The following COL19A1 variants were observed in gnomAD, a reference collection of about 807,000 sequenced individuals.
COL19A1 encodes collagen alpha-1(XIX) chain.
In COL19A1, 159 loss-of-function variants were observed where a neutral mutation model predicts 190.2. The ratio of observed to expected loss-of-function variants is 0.84; its 90% CI spans 0.73 to 0.95. COL19A1 has a LOEUF of 0.95. Among genes scored for constraint, COL19A1 ranks in the 40% least tolerant of loss-of-function variants. COL19A1 has a pLI of 0.00. For missense variants in COL19A1, 1,418 were observed against 1,431.9 expected, an observed-to-expected ratio of 0.99 and a Z score of 0.16; for synonymous variants, 509 against 458.9, an observed-to-expected ratio of 1.11 and a Z score of -1.39.
chr6:69,913,830 A>G (rs1422747778), intron 4 of COL19A1, among the ~76,000 whole-genome samples: 1 of 152,118 alleles, frequency 6.6e-6, no homozygotes, highest in Non-Finnish European at 1.5e-5. Flanking sequence ...CATTGGGAAA[A>G]TCTCAGCTTT....
rs34179513 is a variant in COL19A1, at chr6:69,936,959, G to A, written c.873+49G>A. The A allele has an allele frequency of 2.0e-3, 3,150 of 1,595,338 alleles. 4 individuals carry two copies. Among genetic ancestry groups the A allele is most frequent in the Non-Finnish European group, 2.3e-3 (2,632 of 1,168,696 alleles). ...CACTGAAAGCCACTCCAGACTATGA[G>A]CCCAGCTCCTTGAATGTGGCCTCTG... On this transcript the variant is annotated intron_variant, in intron 8 of 50. Transcript: ENST00000620364.
chr6:70,124,520 G>T (rs1225841482), intron 17 of COL19A1, among the ~76,000 whole-genome samples: 1 of 148,470 alleles, frequency 6.7e-6, no homozygotes, highest in Non-Finnish European at 1.5e-5. Context: ...GTCTAAAGTT[G>T]AGAATGTAAA....
chr6:69,904,327 C>G (rs1008741938), intron 4 of COL19A1, among the ~76,000 whole-genome samples: 4 of 152,178 alleles, frequency 2.6e-5, no homozygotes, highest in Non-Finnish European at 5.9e-5. Context: ...ATTAGCCACT[C>G]GATTAATGTG....
At chr6:70,140,696 T>C (rs1370238545) in intron 19 of COL19A1, among the ~76,000 whole-genome samples, 2 of 152,116 alleles carry the variant, frequency 1.3e-5, no homozygotes, top group Admixed American at 6.6e-5. Flanking sequence ...AGCATTCCAA[T>C]TTGTCAGCCA....
At chr6:70,077,188 A>C (rs942493383) in intron 15 of COL19A1, among the ~76,000 whole-genome samples, 4 of 152,218 alleles carry the variant, frequency 2.6e-5, no homozygotes, top group African/African-American at 9.6e-5. Flanking sequence ...ATGGCACATA[A>C]TTCTCAAAGC....
intron 16 of COL19A1, among the ~76,000 whole-genome samples, chr6:70,120,096 A>G (rs908602342): frequency 6.6e-6 from 1 of 152,176 alleles, no homozygotes; most frequent in African/African-American, 2.4e-5. Context: ...GTCTCAAAAA[A>G]CAACAACAAA....
chr6:70,208,482 A>T lies in COL19A1; in HGVS notation c.*1208A>T, dbSNP rs925559982. 6.6e-6 allele frequency: 1 copy of T among 152,278 alleles called. No individual in the cohort carries two copies. Among genetic ancestry groups the T allele is most frequent in the African/African-American group, 2.4e-5 (1 of 41,452 alleles). The allele number at this position is 152,278 out of a possible 1,614,324, so 9.4% of individuals were successfully genotyped here. A position where few individuals can be genotyped will look rare whatever the true frequency, so the allele number is the denominator to read the frequency against. ...CACTCTAAAACCATGTCCTCTGAAAAGAAACAAAAATACAGTGATCATCAA... is the reference window on the plus strand; with the variant it reads ...CACTCTAAAACCATGTCCTCTGAAATGAAACAAAAATACAGTGATCATCAA... On this transcript the variant is annotated 3_prime_UTR_variant, in exon 51 of 51. Coordinates refer to ENST00000620364, the MANE Select transcript of COL19A1 (RefSeq NM_001858.6).
intron 14 of COL19A1, among the ~76,000 whole-genome samples, chr6:70,049,832 C>T (rs976284979): frequency 1.3e-5 from 2 of 151,956 alleles, no homozygotes; most frequent in Admixed American, 6.6e-5. Context: ...CAGCAAAGCA[C>T]GTATTTATTT....
chr6:70,180,716 T>C (rs761732065), intron 44 of COL19A1, among the ~76,000 whole-genome samples, 193 bp downstream of exon 44: 45 of 152,244 alleles, frequency 3.0e-4, no homozygotes, highest in South Asian at 6.2e-4. Flanking sequence ...GGTATCTTTA[T>C]GTCTTAAACA....
chr6:70,116,859 T>A (rs1460839825), intron 16 of COL19A1, among the ~76,000 whole-genome samples: 2 of 152,060 alleles, frequency 1.3e-5, no homozygotes, highest in Admixed American at 6.6e-5. Context: ...ATTTCAAAGA[T>A]TGTTCTTGAA....
At position 70,168,041 on chromosome 6, in the gene COL19A1, A is replaced by T. The variant is rs760094409; in HGVS notation, c.2462A>T (p.Glu821Val). ...TTTCCTAAGGGTATTCCATTTAATG[A>T]ACGAAACGGCATGAGCAGTTTATAT... ...PPGPPGIPFN[E>V]RNGMSSLYKI... The change falls in exon 38 of 51, where the codon GAA becomes GTA. Residue 821 changes from glutamate to valine, a missense_variant. Transcript: ENST00000620364. The T allele has an allele frequency of 1.9e-5, 30 of 1,597,216 alleles. No individual in the cohort carries two copies. The highest frequency in any genetic ancestry group is 2.6e-5 in the Non-Finnish European group (30 of 1,169,686).
At chr6:69,925,644 A>G (rs9767586) in intron 4 of COL19A1, among the ~76,000 whole-genome samples, 26,998 of 152,052 alleles carry the variant, frequency 0.18, 3,185 homozygotes, top group African/African-American at 0.32. Context: ...TAGCTTGATA[A>G]GGATGGCATT....
chr6:70,156,408 T>TTGG, intron 33 of COL19A1, 39 bp downstream of exon 33: 1 of 1,591,762 alleles, frequency 6.3e-7, no homozygotes, highest in Non-Finnish European at 8.6e-7. Context: ...TGTGGGAACC[T>TTGG]CAATTTAGTA....
chr6:69,991,226 A>T (rs1447784515), intron 11 of COL19A1, among the ~76,000 whole-genome samples: 1 of 152,064 alleles, frequency 6.6e-6, no homozygotes, highest in Admixed American at 6.6e-5. Context: ...GCATGATCTC[A>T]TTCTTTTTTA....
Position 70,161,952 on chromosome 6 carries a change from CT to C in COL19A1, c.2346del (p.Gly783AlafsTer2), listed in dbSNP as rs1787835948. On this transcript the variant is annotated frameshift_variant and splice_region_variant, in exon 35 of 51. Coordinates refer to ENST00000620364, the MANE Select transcript of COL19A1 (RefSeq NM_001858.6). LOFTEE classifies it high-confidence loss of function. ...GGTGCTCCAGGCCCGACTGGACCCC[CT>C]GTAAGTATTTGTTAAAACGATTGCA... ...IPGAPGPTGPPGLMGRTGHPG... is the reference protein window; with the variant it reads ...IPGAPGPTGPXGLMGRTGHPG... The C allele has an allele frequency of 1.3e-6, 2 of 1,598,552 alleles. No individual in the cohort carries two copies. The highest frequency in any genetic ancestry group is 2.3e-5 in the South Asian group (2 of 88,506).
At chr6:70,181,485 T>A (rs1226795519) in intron 44 of COL19A1, among the ~76,000 whole-genome samples, 1 of 151,862 alleles carries the variant, frequency 6.6e-6, no homozygotes, top group Non-Finnish European at 1.5e-5. Context: ...CTCATTCCCA[T>A]CCCCTGCAAG....
intron 14 of COL19A1, among the ~76,000 whole-genome samples, chr6:70,063,800 C>T (rs1223540037): frequency 6.6e-6 from 1 of 152,060 alleles, no homozygotes; most frequent in Non-Finnish European, 1.5e-5. Flanking sequence ...GGGATATCAC[C>T]ACTGATCCCA....
intron 11 of COL19A1, among the ~76,000 whole-genome samples, chr6:70,007,041 T>C (rs1273583376): frequency 2.0e-5 from 3 of 152,132 alleles, no homozygotes; most frequent in Non-Finnish European, 4.4e-5. Context: ...ATTACACTTA[T>C]AGAAATAACT....
In COL19A1 at chr6:70,199,735, A is replaced by G; in HGVS notation, c.3222A>G (p.Gln1074=). The G allele has an allele frequency of 6.2e-7, 1 of 1,605,002 alleles. No homozygotes were observed. The highest frequency in any genetic ancestry group is 8.5e-7 in the Non-Finnish European group (1 of 1,175,852). Residue 1074 remains glutamine, a splice_region_variant and synonymous_variant, in exon 49 of 51, where the codon CAA becomes CAG. Coordinates refer to ENST00000620364, the MANE Select transcript of COL19A1 (RefSeq NM_001858.6). ...LPGPPGDPGP[Q]GYRGQKGERG... ...GGCCACCAGGAGACCCTGGACCCCA[A>G]GGTAAGTCTTCAAGTGTAATATTGG...
Sources: allele counts gnomAD v4.1 joint callset (sites outside exome capture counted in the v4.1 genomes callset), GRCh38; gene constraint gnomAD v4.1.1; transcripts MANE v1.5; gene names NCBI Gene and HGNC (gene_info 2026-07-23, HGNC 2026-07-21).